Variants in RALGAPA2 observed in about 807,000 individuals in gnomAD.
RALGAPA2 encodes the protein Ral GTPase activating protein catalytic subunit alpha 2, also known as ral GTPase-activating protein subunit alpha-2.
RALGAPA2 carries 139 observed loss-of-function variants against 230.4 expected under a neutral mutation model. That is an observed-to-expected ratio of 0.60 (90% confidence interval 0.53 to 0.69). RALGAPA2 has a LOEUF of 0.69. RALGAPA2 is among the 30% of genes least tolerant of loss of function. The probability of loss-of-function intolerance (pLI) is 0.00; values close to 1 mark genes in which losing one functional copy is unlikely to be tolerated. For missense variants in RALGAPA2, 2,163 were observed against 2,276.0 expected, an observed-to-expected ratio of 0.95 and a Z score of 1.01; for synonymous variants, 847 against 837.8, an observed-to-expected ratio of 1.01 and a Z score of -0.19.
At chr20:20,451,360 C>T (rs1351440370) in intron 37 of RALGAPA2, among the ~76,000 whole-genome samples, 1 of 151,936 alleles carries the variant, frequency 6.6e-6, no homozygotes, top group Non-Finnish European at 1.5e-5. Flanking sequence ...TAGCCTGCTC[C>T]CCAAAAGACA....
chr20:20,662,675 T>C (rs923376394), intron 3 of RALGAPA2, among the ~76,000 whole-genome samples: 13 of 152,194 alleles, frequency 8.5e-5, no homozygotes, highest in African/African-American at 3.1e-4. Context: ...AATAGTCTTA[T>C]TAAGTGCCCA....
intron 12 of RALGAPA2, 122 bp from the exon 13 acceptor site, chr20:20,616,313 T>C: frequency 1.1e-6 from 1 of 905,940 alleles, no homozygotes. Flanking sequence ...TCCAAAAGAT[T>C]CTATTTCAAT....
chr20:20,677,882 G>A (rs933387924), intron 2 of RALGAPA2, among the ~76,000 whole-genome samples: 4 of 151,700 alleles, frequency 2.6e-5, no homozygotes, highest in Admixed American at 6.6e-5. Context: ...TCCTGACCTC[G>A]TGATCTGCCC....
At chr20:20,440,198 G>T (rs574088818) in intron 37 of RALGAPA2, among the ~76,000 whole-genome samples, 26 of 152,218 alleles carry the variant, frequency 1.7e-4, no homozygotes, top group African/African-American at 6.3e-4. Context: ...GATAGAGAAA[G>T]CAAAATGACC....
intron 16 of RALGAPA2, among the ~76,000 whole-genome samples, chr20:20,597,203 AT>A (rs2065481030): frequency 1.3e-5 from 2 of 152,236 alleles, no homozygotes; most frequent in African/African-American, 4.8e-5. Flanking sequence ...CATGAAAAAA[AT>A]TCTTTTGGGG....
chr20:20,653,833 A>C (rs985413213), intron 3 of RALGAPA2, among the ~76,000 whole-genome samples: 18 of 152,178 alleles, frequency 1.2e-4, no homozygotes, highest in African/African-American at 3.9e-4. Flanking sequence ...AAAAGAAAAC[A>C]AGAAAAAACC....
intron 23 of RALGAPA2, among the ~76,000 whole-genome samples, chr20:20,566,705 G>A (rs943372069): frequency 3.3e-5 from 5 of 152,200 alleles, no homozygotes; most frequent in East Asian, 1.9e-4. Context: ...ATCCTCATTC[G>A]ATAGATAAGG....
chr20:20,478,972 A>C (rs1227759944), intron 36 of RALGAPA2, among the ~76,000 whole-genome samples: 1 of 152,208 alleles, frequency 6.6e-6, no homozygotes, highest in Admixed American at 6.5e-5. Context: ...AGAAACAAAA[A>C]GGAATCCAAC....
chr20:20,545,020 T>A (rs183407271), intron 24 of RALGAPA2, among the ~76,000 whole-genome samples: 3 of 152,122 alleles, frequency 2.0e-5, no homozygotes, highest in East Asian at 3.8e-4. Context: ...AAGTATAATT[T>A]AAAAAAATGA....
At chr20:20,545,808 G>A (rs1391303468) in intron 24 of RALGAPA2, among the ~76,000 whole-genome samples, 2 of 152,218 alleles carry the variant, frequency 1.3e-5, no homozygotes, top group African/African-American at 4.8e-5. Flanking sequence ...GCTCACACCT[G>A]TAATCCTAAC....
chr20:20,598,566 G>GT (rs1467792611), intron 16 of RALGAPA2: 15 of 286,742 alleles, frequency 5.2e-5, no homozygotes, highest in Non-Finnish European at 7.8e-5. Flanking sequence ...TAACACTAGT[G>GT]TAATGGTCAG....
chr20:20,566,507 A>G (rs1322723461), intron 23 of RALGAPA2, among the ~76,000 whole-genome samples: 4 of 152,208 alleles, frequency 2.6e-5, no homozygotes, highest in Non-Finnish European at 5.9e-5. Flanking sequence ...ATATGGAGAA[A>G]GAAAAAAAAT....
At chr20:20,440,974 T>C (rs8119522) in intron 37 of RALGAPA2, among the ~76,000 whole-genome samples, 1,718 of 152,370 alleles carry the variant, frequency 0.011, 40 homozygotes, top group African/African-American at 0.04. Flanking sequence ...AGCTAGAAGT[T>C]TGCATGTTTA....
Position 20,390,605 on chromosome 20 carries a change from C to T in RALGAPA2, c.*2684G>A, listed in dbSNP as rs949457470. 1.3e-5 allele frequency: 2 copies of T among 152,024 alleles called. No homozygotes were observed. Among genetic ancestry groups the T allele is most frequent in the African/African-American group, 4.8e-5 (2 of 41,348 alleles). The allele number at this position is 152,024 out of a possible 1,614,324, so 9.4% of individuals were successfully genotyped here. On this transcript the variant is annotated 3_prime_UTR_variant, in exon 40 of 40. Coordinates refer to ENST00000202677, the MANE Select transcript of RALGAPA2 (RefSeq NM_020343.4). ...ACCGTGATGAGTCAGCGCTGTGCCT[C>T]AGGTGGGGCCCTAGTGGATGAATGA...
intron 38 of RALGAPA2, among the ~76,000 whole-genome samples, chr20:20,397,146 A>G (rs2059735099): frequency 6.6e-6 from 1 of 152,270 alleles, no homozygotes; most frequent in African/African-American, 2.4e-5. Context: ...AATTCAATGG[A>G]TGACCTGAAA....
chr20:20,636,449 A>G (rs1425653348), intron 8 of RALGAPA2, among the ~76,000 whole-genome samples: 1 of 152,194 alleles, frequency 6.6e-6, no homozygotes, highest in Non-Finnish European at 1.5e-5. Flanking sequence ...ATATTCACAT[A>G]TATATAGCTA....
At chr20:20,676,384 AACAT>A in intron 2 of RALGAPA2, 96 bp from the exon 3 acceptor site, 2 of 745,420 alleles carry the variant, frequency 2.7e-6, no homozygotes, top group Non-Finnish European at 4.4e-6. Flanking sequence ...AGTAAGCCTC[AACAT>A]ACATTCATTT....
chr20:20,637,307 G>A (rs547798508), intron 8 of RALGAPA2, 56 bp downstream of exon 8: 1 of 1,375,052 alleles, frequency 7.3e-7, no homozygotes, highest in Non-Finnish European at 9.7e-7. Flanking sequence ...CACTTTGAAA[G>A]AGACTGCATA....
At chr20:20,485,841 A>G (rs1342217391) in intron 36 of RALGAPA2, among the ~76,000 whole-genome samples, 3 of 152,188 alleles carry the variant, frequency 2.0e-5, no homozygotes, top group Non-Finnish European at 2.9e-5. Context: ...TGTTAGATCA[A>G]TTAAGAATAA....
Sources: gnomAD v4.1 joint callset for allele counts (sites outside exome capture counted in the v4.1 genomes callset) on GRCh38, gnomAD v4.1.1 for gene constraint, MANE v1.5 for transcripts, NCBI Gene and HGNC (gene_info 2026-07-23, HGNC 2026-07-21) for gene names.